Variants in ANK2 observed in about 807,000 individuals in gnomAD.
ANK2 encodes ankyrin 2, also known as ankyrin-2.
In ANK2, 83 loss-of-function variants were observed where a neutral mutation model predicts 360.5. The ratio of observed to expected loss-of-function variants is 0.23; its 90% CI spans 0.19 to 0.28. The LOEUF (loss-of-function observed/expected upper bound fraction) is 0.28, where lower values mean the gene tolerates loss of function less well. Ranked by LOEUF, ANK2 falls within the 10% of genes least tolerant of loss-of-function variation. ANK2 has a pLI of 1.00. For missense variants in ANK2, 4,201 were observed against 4,795.7 expected (o/e 0.88, Z 3.66); for synonymous variants, 1,740 against 1,759.5 (o/e 0.99, Z 0.28).
Position 112,900,792 on chromosome 4 carries a change from T to C in ANK2, c.-39-3663T>C, listed in dbSNP as rs141845025. Among the ~76,000 whole-genome samples the C allele has an allele frequency of 1.6e-3, 237 of 152,344 alleles. 1 individual carries two copies. The highest frequency in any genetic ancestry group is 5.5e-3 in the African/African-American group (230 of 41,586). On this transcript the variant is annotated intron_variant, in intron 1 of 30. Transcript: ENST00000503271. ...GAAGATTACCCTCCACCAAGCCCTT[T>C]AATGCCTGACCCAGCAATATGCCAT... is the stretch of plus-strand genomic sequence containing the variant.
chr4:113,151,088 C>A, intron 1 of ANK2: 1 of 1,288,516 alleles, frequency 7.8e-7, no homozygotes, highest in Non-Finnish European at 1.0e-6. Context: ...AGGTGACATG[C>A]CCCCAGATGA....
At chr4:112,723,916 A>G in the ANK2 span, among the ~76,000 whole-genome samples, 1 of 152,172 alleles carries the variant, frequency 6.6e-6, no homozygotes, top group Non-Finnish European at 1.5e-5. Context: ...CTGTGTTTAC[A>G]TTTTAAAATA....
chr4:112,895,906 T>C (rs1168663546), intron 1 of ANK2, among the ~76,000 whole-genome samples: 3 of 152,246 alleles, frequency 2.0e-5, no homozygotes, highest in African/African-American at 7.2e-5. Context: ...AGCGAGAGCA[T>C]TCAAACTGTC....
intron 1 of ANK2, among the ~76,000 whole-genome samples, chr4:113,159,533 A>C (rs2097434094): frequency 6.6e-6 from 1 of 152,130 alleles, no homozygotes; most frequent in Admixed American, 6.5e-5. Context: ...TACAATAATT[A>C]AAGCTTATAT....
At position 113,357,888 on chromosome 4, in the gene ANK2, A is replaced by G; in HGVS notation, c.9270A>G (p.Glu3090=). ...PDTTPARTPT[E]EGTPTSEQNP... ...CCACTCCTGCTAGGACCCCAACTGA[A>G]GAGGGGACCCCAACAAGTGAGCAAA... The change falls in exon 38 of 46, where the codon GAA becomes GAG. Residue 3090 remains glutamate (E), a synonymous_variant. Transcript: ENST00000357077. 2.5e-6 allele frequency: 4 copies of G among 1,614,126 alleles called. No homozygotes were observed. Among genetic ancestry groups the G allele is most frequent in the Non-Finnish European group, 3.4e-6 (4 of 1,179,980 alleles).
chr4:113,020,830 AAAG>A, intron 2 of ANK2, among the ~76,000 whole-genome samples: 1 of 151,900 alleles, frequency 6.6e-6, no homozygotes, highest in South Asian at 2.1e-4. Flanking sequence ...TGTCTCAAAA[AAAG>A]AAAAAAATCT....
chr4:113,251,796 A>G (rs1319048656), intron 10 of ANK2, among the ~76,000 whole-genome samples: 2 of 152,048 alleles, frequency 1.3e-5, no homozygotes, highest in South Asian at 2.1e-4. Flanking sequence ...TACACAATCT[A>G]TAGCTGCAAG....
chr4:112,948,064 C>T (rs933311279), intron 2 of ANK2, among the ~76,000 whole-genome samples: 17 of 152,224 alleles, frequency 1.1e-4, no homozygotes, highest in Admixed American at 1.1e-3. Flanking sequence ...TGCAAACCCA[C>T]AATTATCACT....
At chr4:113,198,979 T>G in intron 3 of ANK2, 32 bp from the exon 4 acceptor site, 1 of 1,567,206 alleles carries the variant, frequency 6.4e-7, no homozygotes, top group South Asian at 1.1e-5. Flanking sequence ...TCAGAAACCT[T>G]GAACATTTTC....
chr4:113,128,785 CGTT>C (rs2095827231), intron 1 of ANK2, among the ~76,000 whole-genome samples: 1 of 152,014 alleles, frequency 6.6e-6, no homozygotes, highest in Admixed American at 6.6e-5. Flanking sequence ...CACCGGAACT[CGTT>C]GTTTTTAATA....
intron 1 of ANK2, among the ~76,000 whole-genome samples, chr4:112,861,775 AT>A (rs2068093306): frequency 4.0e-5 from 6 of 151,614 alleles, no homozygotes; most frequent in African/African-American, 1.2e-4. Flanking sequence ...ATAAATATGA[AT>A]TGCACTAATT....
intron 2 of ANK2, among the ~76,000 whole-genome samples, chr4:112,939,906 G>T (rs181151980): frequency 6.6e-6 from 1 of 152,230 alleles, no homozygotes; most frequent in East Asian, 1.9e-4. Flanking sequence ...TTGTTTCAAC[G>T]ATCATAATAT....
At chr4:113,038,553 A>T (rs1173168280) in intron 2 of ANK2, among the ~76,000 whole-genome samples, 1 of 151,856 alleles carries the variant, frequency 6.6e-6, no homozygotes, top group Non-Finnish European at 1.5e-5. Context: ...ATTTCCCAAG[A>T]TGGCTCCCCT....
chr4:112,995,805 C>T (rs565588413), intron 2 of ANK2, among the ~76,000 whole-genome samples: 6 of 152,208 alleles, frequency 3.9e-5, no homozygotes, highest in South Asian at 2.1e-4. Context: ...TTCTTTCTAG[C>T]GGACATCAGG....
chr4:112,999,128 C>T (rs1373898458), intron 2 of ANK2, among the ~76,000 whole-genome samples: 6 of 152,060 alleles, frequency 3.9e-5, no homozygotes, highest in Admixed American at 3.3e-4. Flanking sequence ...TAAAATAAAA[C>T]ATTTCTTGTC....
At position 113,332,075 on chromosome 4, in the gene ANK2, G is replaced by T; in HGVS notation, c.3224+5G>T. 1 of 1,611,660 alleles carries T rather than the reference G, an allele frequency of 6.2e-7. No homozygotes were observed. The highest frequency in any genetic ancestry group is 1.1e-5 in the South Asian group (1 of 91,004). On this transcript the variant is annotated splice_donor_5th_base_variant and intron_variant, in intron 28 of 45. Coordinates refer to ENST00000357077, the MANE Select transcript of ANK2 (RefSeq NM_001148.6). The stretch of plus-strand genomic sequence containing the variant: ...TCCTGGAACCAAATTCCTTGGGTAG[G>T]AGTGACTTAAAACAAATTGATGGCT...
At chr4:113,088,052 A>G (rs1228412556) in intron 1 of ANK2, among the ~76,000 whole-genome samples, 2 of 152,222 alleles carry the variant, frequency 1.3e-5, no homozygotes, top group Admixed American at 6.5e-5. Flanking sequence ...TAAAATTTCT[A>G]GAAAAGCCTG....
chr4:113,179,069 T>C (rs1378118173), intron 2 of ANK2, among the ~76,000 whole-genome samples: 2 of 152,194 alleles, frequency 1.3e-5, no homozygotes, highest in Non-Finnish European at 2.9e-5. Flanking sequence ...CCAGGATTTC[T>C]ACTAAAACTC....
the ANK2 span, among the ~76,000 whole-genome samples, chr4:112,757,470 T>C: frequency 4.6e-5 from 7 of 152,334 alleles, 1 homozygote; most frequent in African/African-American, 1.7e-4. Flanking sequence ...AAAGTCTACA[T>C]TGATGAATCA....
Sources: allele counts gnomAD v4.1 joint callset (sites outside exome capture counted in the v4.1 genomes callset), GRCh38; gene constraint gnomAD v4.1.1; transcripts MANE v1.5; gene names NCBI Gene and HGNC (gene_info 2026-07-23, HGNC 2026-07-21).